Variants in ACTR3 observed in about 807,000 individuals in gnomAD.
ACTR3 encodes actin-related protein 3.
In ACTR3, 12 loss-of-function variants were observed where a neutral mutation model predicts 56.8. That is an observed-to-expected ratio of 0.21 (90% confidence interval 0.14 to 0.34). The LOEUF is 0.34. ACTR3 is among the 10% of genes least tolerant of loss of function. ACTR3 has a pLI of 1.00. For synonymous variants in ACTR3, 162 were observed against 167.4 expected (o/e 0.97, Z 0.25); for missense variants, 282 against 512.5 (o/e 0.55, Z 4.34).
At chr2:113,935,960 A>G (rs943234242) in intron 6 of ACTR3, among the ~76,000 whole-genome samples, 2 of 152,196 alleles carry the variant, frequency 1.3e-5, no homozygotes, top group Admixed American at 1.3e-4. Context: ...AATAGAAGTT[A>G]TCAATATGTA....
At chr2:113,937,527 T>C (rs941578806) in intron 6 of ACTR3, among the ~76,000 whole-genome samples, 3 of 152,240 alleles carry the variant, frequency 2.0e-5, no homozygotes, top group Non-Finnish European at 4.4e-5. Flanking sequence ...ACATTTCTTA[T>C]AGTGCTGATC....
At chr2:113,897,326 T>C (rs1289941936) in intron 1 of ACTR3, among the ~76,000 whole-genome samples, 1 of 152,102 alleles carries the variant, frequency 6.6e-6, no homozygotes, top group Non-Finnish European at 1.5e-5. Flanking sequence ...ACCTACATAA[T>C]TGACTAATAC....
chr2:113,925,177 G>C (rs1222282845), intron 3 of ACTR3, among the ~76,000 whole-genome samples: 1 of 134,394 alleles, frequency 7.4e-6, no homozygotes, highest in South Asian at 2.4e-4. Context: ...GATTACAGGC[G>C]TGAGCCATCG....
At chr2:113,935,806 A>G (rs1679813844) in intron 6 of ACTR3, among the ~76,000 whole-genome samples, 1 of 152,132 alleles carries the variant, frequency 6.6e-6, no homozygotes, top group South Asian at 2.1e-4. Context: ...TAAAATGCAA[A>G]TAATTGACTT....
intron 8 of ACTR3, among the ~76,000 whole-genome samples, chr2:113,943,101 G>A (rs900221639): frequency 6.6e-6 from 1 of 152,174 alleles, no homozygotes; most frequent in Non-Finnish European, 1.5e-5. Context: ...GAATAAAAGA[G>A]ATGAGTATTT....
chr2:113,890,669 A>T (rs10208933), intron 1 of ACTR3: 1 of 1,182,580 alleles, frequency 8.5e-7, no homozygotes, highest in African/African-American at 1.6e-5. Flanking sequence ...GGCCCGACCC[A>T]TCCGGCTTTC....
At chr2:113,940,536 A>G (rs1208709822) in intron 7 of ACTR3, among the ~76,000 whole-genome samples, 1 of 152,164 alleles carries the variant, frequency 6.6e-6, no homozygotes, top group Non-Finnish European at 1.5e-5. Context: ...GGCTCAAGTG[A>G]TAGGGCACAT....
intron 11 of ACTR3, among the ~76,000 whole-genome samples, chr2:113,956,773 A>G (rs1438759426): frequency 6.6e-6 from 1 of 152,194 alleles, no homozygotes; most frequent in Non-Finnish European, 1.5e-5. Context: ...ATTTAAAACC[A>G]TTTCCAACAT....
intron 3 of ACTR3, among the ~76,000 whole-genome samples, chr2:113,923,187 CA>C (rs949174145): frequency 6.6e-6 from 1 of 152,202 alleles, no homozygotes; most frequent in Admixed American, 6.5e-5. Context: ...TTTAAAACGA[CA>C]CTTCTTAGTG....
At chr2:113,944,041 G>C (rs1306135054) in intron 8 of ACTR3, among the ~76,000 whole-genome samples, 1 of 152,138 alleles carries the variant, frequency 6.6e-6, no homozygotes, top group Non-Finnish European at 1.5e-5. Flanking sequence ...TGAGAGAAGT[G>C]AATGTTTCAA....
At chr2:113,928,646 G>A (rs1481144207) in intron 4 of ACTR3, among the ~76,000 whole-genome samples, 2 of 152,082 alleles carry the variant, frequency 1.3e-5, no homozygotes, top group Admixed American at 1.3e-4. Context: ...TGCTGTTGTA[G>A]CATGTTAGCA....
chr2:113,896,489 A>G (rs1464416344), intron 1 of ACTR3, among the ~76,000 whole-genome samples: 1 of 152,248 alleles, frequency 6.6e-6, no homozygotes, highest in African/African-American at 2.4e-5. Flanking sequence ...TGTAAGCCTG[A>G]GTGATTGGGA....
At chr2:113,947,572 T>G (rs62169928) in intron 8 of ACTR3, among the ~76,000 whole-genome samples, 11,173 of 152,208 alleles carry the variant, frequency 0.073, 456 homozygotes, top group African/African-American at 0.1. Context: ...GAGTATTGCT[T>G]GAGCCCAGGA....
At chr2:113,943,353 G>C (rs909117258) in intron 8 of ACTR3, among the ~76,000 whole-genome samples, 1 of 152,208 alleles carries the variant, frequency 6.6e-6, no homozygotes, top group African/African-American at 2.4e-5. Flanking sequence ...ATAGAGGACA[G>C]ATTGGTAGGA....
chr2:113,892,265 G>A (rs1473352151), intron 1 of ACTR3, among the ~76,000 whole-genome samples: 3 of 152,180 alleles, frequency 2.0e-5, no homozygotes, highest in Non-Finnish European at 2.9e-5. Context: ...CAGTAGGATC[G>A]GGAAGAGGGG....
rs954084470 is a variant in ACTR3 at position 113,958,676 on chromosome 2, T to TTA, written c.*1223_*1224dup. 3.3e-5 allele frequency: 5 copies of TTA among 152,028 alleles called. No homozygotes were observed. The highest frequency in any genetic ancestry group is 7.2e-5 in the African/African-American group (3 of 41,406). 9.4% of individuals were successfully genotyped at this position (152,028 alleles called of 1,614,324 possible). On this transcript the variant is annotated 3_prime_UTR_variant, in exon 12 of 12. Coordinates refer to ENST00000263238, the MANE Select transcript of ACTR3 (RefSeq NM_005721.5). ...ATCTGTTTCTGTTGAGATTTGGGAG[T>TTA]TATTGAAATCTCTGTAATGTGTATG...
intron 8 of ACTR3, among the ~76,000 whole-genome samples, chr2:113,949,651 TC>T (rs1255025524): frequency 6.6e-6 from 1 of 152,058 alleles, no homozygotes; most frequent in Non-Finnish European, 1.5e-5. Context: ...AACCTCGAAT[TC>T]CTAGGGTCAA....
intron 1 of ACTR3, among the ~76,000 whole-genome samples, chr2:113,892,486 G>C (rs1447163413): frequency 6.6e-6 from 1 of 152,068 alleles, no homozygotes; most frequent in East Asian, 1.9e-4. Flanking sequence ...CAGTTATTTT[G>C]GTTCTCAAAA....
intron 8 of ACTR3, among the ~76,000 whole-genome samples, chr2:113,948,060 A>G (rs1680053074): frequency 6.6e-6 from 1 of 152,168 alleles, no homozygotes; most frequent in Admixed American, 6.5e-5. Flanking sequence ...TTCTAGAGGT[A>G]ACCACTTCAA....
Sources: gnomAD v4.1 joint callset for allele counts (sites outside exome capture counted in the v4.1 genomes callset) on GRCh38, gnomAD v4.1.1 for gene constraint, MANE v1.5 for transcripts, NCBI Gene and HGNC (gene_info 2026-07-23, HGNC 2026-07-21) for gene names.